ARL15: variants seen among roughly 807,000 people sequenced by gnomAD.
ARL15 encodes the protein ADP-ribosylation factor-like protein 15.
Under a neutral mutation model 25.2 loss-of-function variants are expected in ARL15, and 19 were observed. That is an observed-to-expected ratio of 0.75 (90% CI 0.53 to 1.10). The LOEUF is 1.10. Ranked by LOEUF, ARL15 falls within the 50% of genes least tolerant of loss-of-function variation. The pLI is 0.00. For synonymous variants in ARL15, 94 were observed against 86.8 expected (o/e 1.08, Z -0.46); for missense variants, 220 against 246.0 (o/e 0.89, Z 0.71).
At chr5:53,963,487 A>C (rs1381497064) in intron 4 of ARL15, among the ~76,000 whole-genome samples, 1 of 152,202 alleles carries the variant, frequency 6.6e-6, no homozygotes, top group African/African-American at 2.4e-5. Context: ...ACAAAATGAA[A>C]ATTCAAGAAT....
chr5:54,228,382 G>A (rs950611322), intron 1 of ARL15, among the ~76,000 whole-genome samples: 1 of 152,040 alleles, frequency 6.6e-6, no homozygotes, highest in Non-Finnish European at 1.5e-5. Flanking sequence ...CATAAACCCA[G>A]GGGGTAGAAT....
intron 1 of ARL15, among the ~76,000 whole-genome samples, chr5:54,180,382 G>C (rs751553198): frequency 6.6e-6 from 1 of 152,096 alleles, no homozygotes; most frequent in East Asian, 1.9e-4. Context: ...GTGACTAGTG[G>C]TTCTTGCAAA....
intron 3 of ARL15, among the ~76,000 whole-genome samples, chr5:54,146,395 T>C (rs1396094175): frequency 6.6e-6 from 1 of 152,146 alleles, no homozygotes; most frequent in Non-Finnish European, 1.5e-5. Flanking sequence ...AGAATTGTTA[T>C]CAGCATCTTC....
chr5:53,920,113 A>T (rs72763149), intron 4 of ARL15, among the ~76,000 whole-genome samples: 12,677 of 152,002 alleles, frequency 0.083, 577 homozygotes, highest in South Asian at 0.15. Flanking sequence ...ATAACTTTTT[A>T]AAAAAAATGG....
chr5:53,960,713 G>A (rs1747334347), intron 4 of ARL15, among the ~76,000 whole-genome samples: 1 of 152,176 alleles, frequency 6.6e-6, no homozygotes. Flanking sequence ...ACCTCTTTGT[G>A]GAGGTGAGGG....
intron 1 of ARL15, among the ~76,000 whole-genome samples, chr5:54,294,260 T>C (rs931984676): frequency 3.3e-5 from 5 of 152,222 alleles, no homozygotes; most frequent in African/African-American, 1.2e-4. Context: ...GTTTTGCCAA[T>C]AAAGTTCTGT....
At chr5:54,094,265 C>A (rs1752217669) in intron 4 of ARL15, among the ~76,000 whole-genome samples, 1 of 151,972 alleles carries the variant, frequency 6.6e-6, no homozygotes, top group African/African-American at 2.4e-5. Flanking sequence ...TTCCCAATAC[C>A]TAATAGTACT....
At chr5:53,966,564 C>A (rs1034067878) in intron 4 of ARL15, among the ~76,000 whole-genome samples, 1 of 152,154 alleles carries the variant, frequency 6.6e-6, no homozygotes, top group Admixed American at 6.5e-5. Flanking sequence ...ATCATGGGGA[C>A]TGAACCCCAG....
chr5:54,282,852 G>A (rs976977748), intron 1 of ARL15, among the ~76,000 whole-genome samples: 2 of 152,148 alleles, frequency 1.3e-5, no homozygotes, highest in Admixed American at 1.3e-4. Context: ...GAATATCAAT[G>A]GCAGTACTCA....
chr5:54,272,062 G>T (rs1256646683), intron 1 of ARL15, among the ~76,000 whole-genome samples: 2 of 140,010 alleles, frequency 1.4e-5, no homozygotes, highest in Admixed American at 1.5e-4. Context: ...TTCTGTCTCA[G>T]CTTCCTGAAT....
At chr5:54,234,192 T>G (rs754290203) in intron 1 of ARL15, among the ~76,000 whole-genome samples, 1 of 151,924 alleles carries the variant, frequency 6.6e-6, no homozygotes, top group African/African-American at 2.4e-5. Context: ...ATGGGGTTTC[T>G]CCATGTTGGC....
intron 4 of ARL15, among the ~76,000 whole-genome samples, chr5:54,066,492 A>G (rs1751237323): frequency 6.6e-6 from 1 of 152,200 alleles, no homozygotes; most frequent in Non-Finnish European, 1.5e-5. Context: ...CTGTAAAAGG[A>G]TCTATATATC....
chr5:54,138,121 T>C (rs1030675408), intron 3 of ARL15, among the ~76,000 whole-genome samples: 4 of 152,258 alleles, frequency 2.6e-5, no homozygotes, highest in African/African-American at 7.2e-5. Flanking sequence ...GAGTTACTAA[T>C]GTATAAATCT....
intron 4 of ARL15, among the ~76,000 whole-genome samples, chr5:54,029,348 C>T (rs933885757): frequency 7.7e-5 from 11 of 142,076 alleles, no homozygotes; most frequent in South Asian, 2.4e-4. Context: ...CCACCACCAC[C>T]ACCACCACCA....
At chr5:53,998,320 AC>A (rs1748747721) in intron 4 of ARL15, among the ~76,000 whole-genome samples, 1 of 150,390 alleles carries the variant, frequency 6.6e-6, no homozygotes, top group African/African-American at 2.4e-5. Flanking sequence ...CCAATCTAAC[AC>A]CAGGACTAAT....
At chr5:54,143,159 T>C (rs72752126) in intron 3 of ARL15, among the ~76,000 whole-genome samples, 15,154 of 152,132 alleles carry the variant, frequency 0.1, 1,003 homozygotes, top group Non-Finnish European at 0.15. Context: ...CCTTTATATA[T>C]TTTTATTTAT....
chr5:54,023,626 CTGAAGAA>C (rs1210230570), intron 4 of ARL15, among the ~76,000 whole-genome samples: 3 of 152,200 alleles, frequency 2.0e-5, no homozygotes, highest in South Asian at 2.1e-4. Flanking sequence ...ATGTGCTTAA[CTGAAGAA>C]GAAGCCTTAG....
At chr5:54,271,445 A>G (rs1378867988) in intron 1 of ARL15, among the ~76,000 whole-genome samples, 3 of 152,218 alleles carry the variant, frequency 2.0e-5, no homozygotes, top group Non-Finnish European at 4.4e-5. Flanking sequence ...AGAGTATCTG[A>G]TACAATACAA....
At chr5:54,270,380 T>C (rs1327072916) in intron 1 of ARL15, among the ~76,000 whole-genome samples, 2 of 152,148 alleles carry the variant, frequency 1.3e-5, no homozygotes, top group African/African-American at 4.8e-5. Context: ...AATAGAGTAG[T>C]CGTGAAAGGG....
Sources: gnomAD v4.1 joint callset for allele counts (sites outside exome capture counted in the v4.1 genomes callset) on GRCh38, gnomAD v4.1.1 for gene constraint, MANE v1.5 for transcripts, NCBI Gene and HGNC (gene_info 2026-07-23, HGNC 2026-07-21) for gene names.